Variants in GPM6A observed in about 807,000 individuals in gnomAD.
GPM6A encodes the protein glycoprotein M6A, also known as neuronal membrane glycoprotein M6-a.
Under a neutral mutation model 32.1 loss-of-function variants are expected in GPM6A, and 7 were observed. The ratio of observed to expected loss-of-function variants is 0.22; its 90% CI spans 0.12 to 0.41. The LOEUF is 0.41. Among genes scored for constraint, GPM6A ranks in the 10% least tolerant of loss-of-function variants. GPM6A has a pLI of 1.00. For missense variants in GPM6A, 235 were observed against 347.2 expected, an observed-to-expected ratio of 0.68 and a Z score of 2.57; for synonymous variants, 130 against 123.4, an observed-to-expected ratio of 1.05 and a Z score of -0.35.
chr4:175,794,291 T>C (rs1379701937), intron 1 of GPM6A, among the ~76,000 whole-genome samples: 1 of 152,214 alleles, frequency 6.6e-6, no homozygotes, highest in Non-Finnish European at 1.5e-5. Flanking sequence ...GCAAATGATG[T>C]TATCTCAACA....
intron 1 of GPM6A, among the ~76,000 whole-genome samples, chr4:175,789,860 C>T (rs929159812): frequency 9.2e-5 from 14 of 152,196 alleles, no homozygotes; most frequent in Non-Finnish European, 1.5e-4. Flanking sequence ...ATGCCATCTG[C>T]GGATATCATC....
chr4:175,728,792 C>T (rs1480536314), intron 1 of GPM6A, among the ~76,000 whole-genome samples: 1 of 152,144 alleles, frequency 6.6e-6, no homozygotes, highest in East Asian at 1.9e-4. Flanking sequence ...CAATCTGTAG[C>T]CTTTGCATTT....
At chr4:175,695,873 G>A (rs1288316378) in intron 2 of GPM6A, among the ~76,000 whole-genome samples, 1 of 152,080 alleles carries the variant, frequency 6.6e-6, no homozygotes, top group East Asian at 1.9e-4. Flanking sequence ...CCCCATTGTG[G>A]GGACTGGTGG....
At chr4:175,869,186 T>C (rs1736828740) in intron 1 of GPM6A, among the ~76,000 whole-genome samples, 1 of 152,210 alleles carries the variant, frequency 6.6e-6, no homozygotes, top group African/African-American at 2.4e-5. Flanking sequence ...AACCCATAAA[T>C]GCCAATGGCT....
At chr4:175,711,457 T>TATATACACACAC (rs1303046650) in intron 1 of GPM6A, among the ~76,000 whole-genome samples, 1 of 28,016 alleles carries the variant, frequency 3.6e-5, no homozygotes, top group African/African-American at 8.4e-5. Flanking sequence ...TATATATATA[T>TATATACACACAC]ACACACACAT....
chr4:175,849,431 A>G (rs970647659), intron 1 of GPM6A, among the ~76,000 whole-genome samples: 50 of 152,222 alleles, frequency 3.3e-4, no homozygotes, highest in African/African-American at 1.2e-3. Context: ...AGGTTGACCC[A>G]GTGCCTTGAA....
intron 1 of GPM6A, among the ~76,000 whole-genome samples, chr4:175,973,580 T>G (rs1208253408): frequency 6.6e-6 from 1 of 152,208 alleles, no homozygotes; most frequent in Admixed American, 6.5e-5. Context: ...TTTCAGTTAA[T>G]CCCAAACCAC....
chr4:175,910,605 C>T (rs1738284376), intron 1 of GPM6A, among the ~76,000 whole-genome samples: 1 of 152,168 alleles, frequency 6.6e-6, no homozygotes, highest in African/African-American at 2.4e-5. Context: ...ATTAACTAGG[C>T]TTCTGAAATT....
intron 1 of GPM6A, among the ~76,000 whole-genome samples, chr4:175,760,890 T>C (rs1732711576): frequency 6.6e-6 from 1 of 152,184 alleles, no homozygotes; most frequent in African/African-American, 2.4e-5. Flanking sequence ...AAAAACATCT[T>C]GATGACCACA....
At chr4:175,967,982 A>G (rs865835057) in intron 1 of GPM6A, among the ~76,000 whole-genome samples, 3 of 152,202 alleles carry the variant, frequency 2.0e-5, no homozygotes, top group African/African-American at 7.2e-5. Context: ...GAAGGAGAAG[A>G]ACAAAGTTGG....
At chr4:175,992,062 A>ACGCACACACACACACGCACG (rs533413071) in intron 1 of GPM6A, among the ~76,000 whole-genome samples, 3 of 142,176 alleles carry the variant, frequency 2.1e-5, no homozygotes, top group African/African-American at 8.3e-5. Flanking sequence ...ACACACATGC[A>ACGCACACACACACACGCACG]CACACACACA....
intron 1 of GPM6A, among the ~76,000 whole-genome samples, chr4:175,901,101 T>G: frequency 7.3e-6 from 1 of 136,246 alleles, no homozygotes; most frequent in Non-Finnish European, 1.6e-5. Flanking sequence ...ACATAGAGAG[T>G]GGAGAATGGT....
chr4:175,738,532 A>G (rs1731754605), intron 1 of GPM6A, among the ~76,000 whole-genome samples: 1 of 152,062 alleles, frequency 6.6e-6, no homozygotes, highest in African/African-American at 2.4e-5. Context: ...ACTCATCCAT[A>G]TACTTCATAG....
At chr4:175,769,603 G>A (rs749748435) in intron 1 of GPM6A, among the ~76,000 whole-genome samples, 1 of 147,382 alleles carries the variant, frequency 6.8e-6, no homozygotes, top group Non-Finnish European at 1.5e-5. Flanking sequence ...ACCCAGGGTT[G>A]TATGCCAGCC....
At chr4:175,963,518 T>TA (rs1740234118) in intron 1 of GPM6A, among the ~76,000 whole-genome samples, 1 of 152,040 alleles carries the variant, frequency 6.6e-6, no homozygotes. Context: ...TTTAAACTGT[T>TA]AAAAGGAAAA....
At chr4:175,636,016 C>T (rs80118508) in intron 6 of GPM6A, among the ~76,000 whole-genome samples, 5,369 of 151,860 alleles carry the variant, frequency 0.035, 149 homozygotes, top group Admixed American at 0.069. Flanking sequence ...AATGCAATGT[C>T]AATTCTAAAT....
intron 1 of GPM6A, among the ~76,000 whole-genome samples, chr4:175,927,618 C>T (rs1738887201): frequency 6.6e-6 from 1 of 152,228 alleles, no homozygotes; most frequent in Non-Finnish European, 1.5e-5. Flanking sequence ...GGCACGGTGG[C>T]TCACGCCTGT....
At chr4:175,694,262 C>T (rs1201708384) in intron 2 of GPM6A, among the ~76,000 whole-genome samples, 1 of 152,134 alleles carries the variant, frequency 6.6e-6, no homozygotes, top group Non-Finnish European at 1.5e-5. Context: ...GTGGAAACCT[C>T]TTTGGAACTG....
chr4:175,866,979 T>G (rs1455787856), intron 1 of GPM6A, among the ~76,000 whole-genome samples: 1 of 152,212 alleles, frequency 6.6e-6, no homozygotes, highest in Admixed American at 6.5e-5. Flanking sequence ...GCATTGTTGT[T>G]TTAATACTCA....
Sources: allele counts gnomAD v4.1 joint callset (sites outside exome capture counted in the v4.1 genomes callset), GRCh38; gene constraint gnomAD v4.1.1; transcripts MANE v1.5; gene names NCBI Gene and HGNC (gene_info 2026-07-23, HGNC 2026-07-21).